The following UBN2 variants were observed in gnomAD, a reference collection of about 807,000 sequenced individuals.
UBN2 encodes ubinuclein-2.
Under a neutral mutation model 120.2 loss-of-function variants are expected in UBN2, and 35 were observed. That is an observed-to-expected ratio of 0.29 (90% CI 0.22 to 0.39). The LOEUF (loss-of-function observed/expected upper bound fraction) is 0.39, where lower values mean the gene tolerates loss of function less well. UBN2 is among the 10% of genes least tolerant of loss of function. The probability of loss-of-function intolerance (pLI) is 1.00; values close to 1 mark genes in which losing one functional copy is unlikely to be tolerated. For missense variants in UBN2, 1,693 were observed against 1,663.2 expected, an observed-to-expected ratio of 1.02 and a Z score of -0.31; for synonymous variants, 661 against 648.7, an observed-to-expected ratio of 1.02 and a Z score of -0.29.
At chr7:139,255,276 A>G (rs1252599367) in intron 3 of UBN2, among the ~76,000 whole-genome samples, 1 of 152,160 alleles carries the variant, frequency 6.6e-6, no homozygotes, top group Non-Finnish European at 1.5e-5. Flanking sequence ...GACTTTTGTA[A>G]CCCATAATTG....
chr7:139,293,823 C>G, intron 16 of UBN2, 66 bp from the exon 17 acceptor site: 1 of 1,485,934 alleles, frequency 6.7e-7, no homozygotes, highest in Non-Finnish European at 9.4e-7. Flanking sequence ...AATCAGTTTT[C>G]ATTTTTGAAC....
At chr7:139,263,497 G>C (rs1398566043) in intron 6 of UBN2, among the ~76,000 whole-genome samples, 2 of 152,138 alleles carry the variant, frequency 1.3e-5, no homozygotes, top group African/African-American at 4.8e-5. Context: ...AAAATGGTCA[G>C]GCACAGTGGC....
rs1798197814 is a variant in UBN2, at chr7:139,299,274, C to G, written c.*1438C>G. On this transcript the variant is annotated 3_prime_UTR_variant, in exon 18 of 18. Coordinates refer to ENST00000473989, the MANE Select transcript of UBN2 (RefSeq NM_173569.4). ...TGGTGTAAACTCTAAATGGTATAAG[C>G]TTCATCCATTTATAATGACACTAAC... 1 of 151,988 alleles carries G rather than the reference C, an allele frequency of 6.6e-6. No individual in the cohort carries two copies. Among genetic ancestry groups the G allele is most frequent in the Non-Finnish European group, 1.5e-5 (1 of 67,988 alleles). The allele number at this position is 151,988 out of a possible 1,614,324, so 9.4% of individuals were successfully genotyped here.
In UBN2 at chr7:139,304,010, C is replaced by T. The variant is rs1466368852; in HGVS notation, c.*6174C>T. The T allele has an allele frequency of 6.6e-6, 1 of 152,102 alleles. No homozygotes were observed. Among genetic ancestry groups the T allele is most frequent in the African/African-American group, 2.4e-5 (1 of 41,412 alleles). 9.4% of individuals were successfully genotyped at this position (152,102 alleles called of 1,614,324 possible). ...TGGAAGTTTTAACTGTCTCACTTTT[C>T]CATCTTCTCAGTCTAATTTCCTTTT... On this transcript the variant is annotated 3_prime_UTR_variant, in exon 18 of 18. Coordinates refer to ENST00000473989, the MANE Select transcript of UBN2 (RefSeq NM_173569.4).
chr7:139,317,294 C>T, the UBN2 span, among the ~76,000 whole-genome samples: 1 of 152,074 alleles, frequency 6.6e-6, no homozygotes, highest in Non-Finnish European at 1.5e-5. Flanking sequence ...CCTCAGCCTC[C>T]CAAGTAGTTG....
At chr7:139,243,073 T>TAG (rs1796366695) in intron 2 of UBN2, among the ~76,000 whole-genome samples, 1 of 152,174 alleles carries the variant, frequency 6.6e-6, no homozygotes, top group Non-Finnish European at 1.5e-5. Flanking sequence ...CTGGAGGCAA[T>TAG]TTGGGGTCAG....
intron 12 of UBN2, among the ~76,000 whole-genome samples, chr7:139,278,817 T>C (rs1421194714): frequency 6.6e-6 from 1 of 152,190 alleles, no homozygotes; most frequent in Non-Finnish European, 1.5e-5. Context: ...TTCTTTTTTT[T>C]CATCTTCAAA....
chr7:139,237,226 G>A (rs557183688), intron 2 of UBN2, 129 bp downstream of exon 2: 1 of 502,524 alleles, frequency 2.0e-6, no homozygotes, highest in South Asian at 2.7e-5. Flanking sequence ...GAAACCAAAT[G>A]AATGGTTAGA....
intron 12 of UBN2, among the ~76,000 whole-genome samples, chr7:139,278,330 C>T (rs761978256): frequency 2.2e-4 from 34 of 151,894 alleles, no homozygotes; most frequent in Admixed American, 1.2e-3. Context: ...TACAGGCGTG[C>T]GCCACCACGC....
In UBN2 at chr7:139,307,400, AT is replaced by A. The variant is rs1038746912; in HGVS notation, c.*9567del. 1 of 151,792 alleles carries A rather than the reference AT, an allele frequency of 6.6e-6. No individual in the cohort carries two copies. Among genetic ancestry groups the A allele is most frequent in the African/African-American group, 2.4e-5 (1 of 41,292 alleles). The allele number at this position is 151,792 out of a possible 1,614,324, so 9.4% of individuals were successfully genotyped here. ...ATCTCAGGACCTGAAAGATTGTAGC[AT>A]TTAGTGTGTCTTAAAAATTATGTAC... On this transcript the variant is annotated 3_prime_UTR_variant, in exon 18 of 18. Transcript: ENST00000473989.
At position 139,284,062 on chromosome 7, in the gene UBN2, C is replaced by G. The variant is rs749687174; in HGVS notation, c.3157C>G (p.Pro1053Ala). The change falls in exon 15 of 18, where the codon CCC becomes GCC. Residue 1053 changes from proline to alanine, a missense_variant. Pro to Ala is a conservative substitution (Grantham distance 27). This residue lies in a region of UBN2 where 837 missense variants were observed against 817.6 expected (regional missense o/e 1.02). Coordinates refer to ENST00000473989, the MANE Select transcript of UBN2 (RefSeq NM_173569.4). Reference sequence around the variant, plus strand: ...GCCTGCCACATCTCCTAAACCCCTGCCCTCGCCTAAGCCTTCTGCCTCACC... The same window carrying G: ...GCCTGCCACATCTCCTAAACCCCTGGCCTCGCCTAAGCCTTCTGCCTCACC... ...PKPATSPKPL[P>A]SPKPSASPKP... The G allele has an allele frequency of 6.2e-7, 1 of 1,614,168 alleles. No homozygotes were observed. The highest frequency in any genetic ancestry group is 8.5e-7 in the Non-Finnish European group (1 of 1,180,030).
chr7:139,255,282 A>G (rs1796727457), intron 3 of UBN2, among the ~76,000 whole-genome samples: 2 of 152,150 alleles, frequency 1.3e-5, no homozygotes, highest in East Asian at 3.8e-4. Context: ...TGTAACCCAT[A>G]ATTGGCTTAT....
intron 12 of UBN2, among the ~76,000 whole-genome samples, chr7:139,278,523 T>G (rs1797514259): frequency 6.6e-6 from 1 of 152,084 alleles, no homozygotes. Flanking sequence ...TCATTAACTT[T>G]GTGTTTTGTT....
chr7:139,268,817 C>T (rs1563215312), intron 7 of UBN2, among the ~76,000 whole-genome samples: 1 of 152,066 alleles, frequency 6.6e-6, no homozygotes, highest in Non-Finnish European at 1.5e-5. Flanking sequence ...AGAGTTTGCC[C>T]CTGTAACCCA....
intron 8 of UBN2, 148 bp downstream of exon 8, chr7:139,269,671 T>C (rs1194814947): frequency 1.2e-6 from 1 of 846,450 alleles, no homozygotes; most frequent in Admixed American, 3.2e-5. Flanking sequence ...GTATGTTGGA[T>C]CCCCTGAAAA....
intron 7 of UBN2, among the ~76,000 whole-genome samples, chr7:139,268,269 C>T (rs1378699429): frequency 2.0e-5 from 3 of 152,196 alleles, no homozygotes; most frequent in African/African-American, 7.2e-5. Context: ...TCCAGTTTCA[C>T]AAGTACTAGT....
At chr7:139,242,173 T>G (rs538088565) in intron 2 of UBN2, among the ~76,000 whole-genome samples, 5 of 152,358 alleles carry the variant, frequency 3.3e-5, no homozygotes, top group East Asian at 1.9e-4. Flanking sequence ...TTAAAATAAT[T>G]ATAGATTATT....
At chr7:139,275,335 G>A (rs576884168) in intron 11 of UBN2, among the ~76,000 whole-genome samples, 1 of 149,254 alleles carries the variant, frequency 6.7e-6, no homozygotes, top group South Asian at 2.1e-4. Flanking sequence ...TGTAATCCCA[G>A]CACTTTGGGA....
At chr7:139,270,418 G>T (rs562412899) in intron 8 of UBN2, among the ~76,000 whole-genome samples, 3 of 151,932 alleles carry the variant, frequency 2.0e-5, no homozygotes, top group South Asian at 4.2e-4. Context: ...ACAGGCACCC[G>T]CCATCATGCC....
Sources: gnomAD v4.1 joint callset for allele counts (sites outside exome capture counted in the v4.1 genomes callset) on GRCh38, gnomAD v4.1.1 for gene constraint, gnomAD v4.1.1 regional missense constraint, MANE v1.5 for transcripts, NCBI Gene and HGNC (gene_info 2026-07-23, HGNC 2026-07-21) for gene names.